The following LAMA2 variants were observed in gnomAD, a reference collection of about 807,000 sequenced individuals.
The protein encoded by LAMA2 is laminin subunit alpha 2, also known as laminin subunit alpha-2.
A neutral mutation model predicts 364.8 loss-of-function variants in LAMA2; 269 were observed. The ratio of observed to expected loss-of-function variants is 0.74; its 90% CI spans 0.67 to 0.82. LAMA2 has a LOEUF of 0.82. Among genes scored for constraint, LAMA2 ranks in the 40% least tolerant of loss-of-function variants. The pLI is 0.00. For synonymous variants in LAMA2, 1,379 were observed against 1,370.6 expected (o/e 1.01, Z -0.14); for missense variants, 3,807 against 3,873.2 (o/e 0.98, Z 0.45).
chr6:128,900,249 A>G (rs992253966), intron 1 of LAMA2, among the ~76,000 whole-genome samples: 6 of 152,200 alleles, frequency 3.9e-5, no homozygotes, highest in Non-Finnish European at 5.9e-5. Context: ...GAATGAAACT[A>G]ATAAAAAATA....
intron 37 of LAMA2, among the ~76,000 whole-genome samples, chr6:129,395,312 CT>C (rs1361687150): frequency 6.6e-6 from 1 of 152,130 alleles, no homozygotes. Flanking sequence ...AACTCAAAAA[CT>C]TTTTATTTAT....
chr6:129,114,566 A>G (rs558552724), intron 4 of LAMA2, among the ~76,000 whole-genome samples: 74 of 152,204 alleles, frequency 4.9e-4, no homozygotes, highest in African/African-American at 1.8e-3. Flanking sequence ...ATCCAGTGAT[A>G]AGAATGAATG....
intron 1 of LAMA2, among the ~76,000 whole-genome samples, chr6:129,037,382 T>A (rs763098884): frequency 6.6e-6 from 1 of 152,146 alleles, no homozygotes; most frequent in African/African-American, 2.4e-5. Flanking sequence ...GTATATGATA[T>A]CTTAGAGATT....
intron 48 of LAMA2, among the ~76,000 whole-genome samples, chr6:129,458,700 T>A (rs62421017): frequency 6.6e-6 from 1 of 151,788 alleles, no homozygotes; most frequent in African/African-American, 2.4e-5. Context: ...CAATACATGG[T>A]CACAGCAGTG....
intron 4 of LAMA2, among the ~76,000 whole-genome samples, chr6:129,139,037 T>C (rs888300418): frequency 5.9e-5 from 9 of 152,118 alleles, no homozygotes; most frequent in African/African-American, 1.9e-4. Flanking sequence ...TGGTGAGAAC[T>C]GAGAACTGGA....
intron 1 of LAMA2, among the ~76,000 whole-genome samples, chr6:128,995,905 T>G (rs967301475): frequency 2.6e-5 from 4 of 152,156 alleles, no homozygotes; most frequent in Non-Finnish European, 5.9e-5. Context: ...ACGTTTAGAG[T>G]TTTTGACAGG....
chr6:129,454,175 A>T lies in LAMA2; in HGVS notation c.6594A>T (p.Glu2198Asp). The change falls in exon 47 of 65, where the codon GAA becomes GAT. Residue 2198 changes from glutamate (E) to aspartate (D), a missense_variant. Around this residue, in one of 3 missense-constraint regions of LAMA2, gnomAD observed 3,333 missense variants for 3,345.7 expected, o/e 1.00. Coordinates refer to ENST00000421865, the MANE Select transcript of LAMA2 (RefSeq NM_000426.4). The stretch of plus-strand genomic sequence containing the variant: ...ACTAGATTGACTTTCTGGCTATAGA[A>T]ATGCGTAAAGGCAAAGTCAGCTTCC... ...SAKFIDFLAI[E>D]MRKGKVSFLW... The T allele has an allele frequency of 6.2e-7, 1 of 1,612,744 alleles. No homozygotes were observed. The highest frequency in any genetic ancestry group is 8.5e-7 in the Non-Finnish European group (1 of 1,178,994).
chr6:128,889,998 T>C (rs1776357279), intron 1 of LAMA2, among the ~76,000 whole-genome samples: 1 of 152,198 alleles, frequency 6.6e-6, no homozygotes, highest in African/African-American at 2.4e-5. Flanking sequence ...AGTTAATCTA[T>C]GCAAATTCCT....
chr6:129,172,197 G>A (rs886101973), intron 9 of LAMA2, among the ~76,000 whole-genome samples: 2 of 152,148 alleles, frequency 1.3e-5, no homozygotes, highest in African/African-American at 4.8e-5. Context: ...TCTCCATCCA[G>A]CTTTGTTCCG....
chr6:129,288,528 A>G (rs1053806509), intron 19 of LAMA2, among the ~76,000 whole-genome samples: 1 of 152,172 alleles, frequency 6.6e-6, no homozygotes, highest in African/African-American at 2.4e-5. Context: ...TAATAGGTAT[A>G]AAATTCTGCC....
intron 39 of LAMA2, 28 bp downstream of exon 39, chr6:129,402,515 G>A (rs1160782438): frequency 1.2e-6 from 2 of 1,609,770 alleles, no homozygotes; most frequent in African/African-American, 1.3e-5. Flanking sequence ...GGAAATGTTT[G>A]TGTATTTTGA....
intron 1 of LAMA2, among the ~76,000 whole-genome samples, chr6:128,916,553 T>G (rs1012186225): frequency 3.3e-5 from 5 of 152,224 alleles, no homozygotes; most frequent in Admixed American, 1.3e-4. Context: ...TAACTGGCAT[T>G]TCAAGTCTTC....
chr6:129,007,458 A>C (rs1183960569), intron 1 of LAMA2, among the ~76,000 whole-genome samples: 1 of 152,192 alleles, frequency 6.6e-6, no homozygotes, highest in Non-Finnish European at 1.5e-5. Context: ...GATGCTATTC[A>C]TCTTCCCATA....
At chr6:129,228,433 C>G (rs1784468968) in intron 12 of LAMA2, among the ~76,000 whole-genome samples, 1 of 152,082 alleles carries the variant, frequency 6.6e-6, no homozygotes, top group African/African-American at 2.4e-5. Flanking sequence ...ATGCTGGGAG[C>G]TGTAGACTGG....
At chr6:129,310,535 C>T (rs929271852) in intron 22 of LAMA2, among the ~76,000 whole-genome samples, 3 of 152,070 alleles carry the variant, frequency 2.0e-5, no homozygotes, top group African/African-American at 7.2e-5. Flanking sequence ...CATATGGTGG[C>T]AAACTCAGAC....
chr6:129,382,186 T>A (rs904463305), intron 34 of LAMA2, among the ~76,000 whole-genome samples: 8 of 152,340 alleles, frequency 5.3e-5, no homozygotes, highest in African/African-American at 1.9e-4. Context: ...CTCTAATTCA[T>A]TATCTGTAGT....
chr6:128,928,769 T>C (rs1779255722), intron 1 of LAMA2, among the ~76,000 whole-genome samples: 1 of 152,214 alleles, frequency 6.6e-6, no homozygotes, highest in South Asian at 2.1e-4. Context: ...ATTTGATCAG[T>C]TGTCAAAGTA....
intron 14 of LAMA2, among the ~76,000 whole-genome samples, chr6:129,258,702 C>T (rs917845850): frequency 6.6e-6 from 1 of 152,014 alleles, no homozygotes; most frequent in African/African-American, 2.4e-5. Context: ...CAAAGTTCCT[C>T]TCTATGTACA....
intron 55 of LAMA2, among the ~76,000 whole-genome samples, chr6:129,484,368 A>G (rs1215397171): frequency 3.3e-5 from 5 of 152,226 alleles, no homozygotes; most frequent in African/African-American, 1.2e-4. Context: ...ATTTGGCACT[A>G]TCTCCTGAAG....
Sources: gnomAD v4.1 joint callset for allele counts (sites outside exome capture counted in the v4.1 genomes callset) on GRCh38, gnomAD v4.1.1 for gene constraint, gnomAD v4.1.1 regional missense constraint, MANE v1.5 for transcripts, NCBI Gene and HGNC (gene_info 2026-07-23, HGNC 2026-07-21) for gene names.